MGAT4A: variants seen among roughly 807,000 people sequenced by gnomAD.
MGAT4A encodes alpha-1,3-mannosyl-glycoprotein 4-beta-N-acetylglucosaminyltransferase A.
A neutral mutation model predicts 74.1 loss-of-function variants in MGAT4A; 33 were observed. That is an observed-to-expected ratio of 0.45 (90% CI 0.34 to 0.60). The LOEUF (loss-of-function observed/expected upper bound fraction) is 0.60. Among genes scored for constraint, MGAT4A ranks in the 20% least tolerant of loss-of-function variants. The pLI is 0.02. For missense variants in MGAT4A, 479 were observed against 628.3 expected (o/e 0.76, Z 2.54); for synonymous variants, 198 against 210.4 (o/e 0.94, Z 0.51).
At chr2:98,715,731 C>T (rs1279301012) in intron 2 of MGAT4A, among the ~76,000 whole-genome samples, 1 of 151,970 alleles carries the variant, frequency 6.6e-6, no homozygotes, top group Non-Finnish European at 1.5e-5. Context: ...CAACAAACCC[C>T]GTAACACAAG....
Position 98,677,279 on chromosome 2 carries a change from G to A in MGAT4A, c.262+1025C>T, listed in dbSNP as rs923856605. Among the ~76,000 whole-genome samples the A allele has an allele frequency of 2.0e-5, 3 of 152,160 alleles. No individual in the cohort carries two copies. In the East Asian group the frequency reaches 5.8e-4, roughly 29 times the overall value. On this transcript the variant is annotated intron_variant, in intron 3 of 15. Coordinates refer to ENST00000393487, the MANE Select transcript of MGAT4A (RefSeq NM_012214.3). ...TAAATAAGGTTTAAGAGCACGAATT[G>A]CTTCAAATAGCTCAAAGATTTCTCC...
At chr2:98,678,249 A>ATATATATAT (rs1553538280) in intron 3 of MGAT4A, 55 bp downstream of exon 3, 166 of 263,784 alleles carry the variant, frequency 6.3e-4, no homozygotes, top group African/African-American at 1.9e-3. Flanking sequence ...AAAAAAAAAA[A>ATATATATAT]ATATATATAT....
intron 6 of MGAT4A, among the ~76,000 whole-genome samples, chr2:98,657,403 C>T (rs1030253428): frequency 6.6e-6 from 1 of 152,134 alleles, no homozygotes; most frequent in Non-Finnish European, 1.5e-5. Flanking sequence ...TCATTACTGC[C>T]CTGTTCCTTA....
At chr2:98,648,737 AG>A (rs141382211) in intron 8 of MGAT4A, among the ~76,000 whole-genome samples, 4,313 of 150,680 alleles carry the variant, frequency 0.029, 220 homozygotes, top group African/African-American at 0.1. Flanking sequence ...AAAAAAAAAA[AG>A]CTCACTGACA....
At chr2:98,650,888 C>CA (rs1701566655) in intron 8 of MGAT4A, among the ~76,000 whole-genome samples, 1 of 151,998 alleles carries the variant, frequency 6.6e-6, no homozygotes. Context: ...GTGGAGCTTA[C>CA]AGTGAGCCGA....
chr2:98,658,549 C>G (rs910130860), intron 5 of MGAT4A, among the ~76,000 whole-genome samples: 5 of 152,284 alleles, frequency 3.3e-5, no homozygotes, highest in Admixed American at 2.0e-4. Context: ...AACATCCAAA[C>G]TATTGTGAAT....
intron 2 of MGAT4A, among the ~76,000 whole-genome samples, chr2:98,692,611 T>C (rs1394570480): frequency 6.6e-6 from 1 of 152,214 alleles, no homozygotes; most frequent in African/African-American, 2.4e-5. Flanking sequence ...ACAGGTATAC[T>C]GTTTCGCCTT....
chr2:98,672,113 A>G (rs913711540), intron 4 of MGAT4A, among the ~76,000 whole-genome samples: 2 of 152,128 alleles, frequency 1.3e-5, no homozygotes, highest in African/African-American at 4.8e-5. Flanking sequence ...TACAACAGCA[A>G]TAGAACACCA....
intron 4 of MGAT4A, among the ~76,000 whole-genome samples, chr2:98,673,630 G>A (rs972646377): frequency 6.6e-6 from 1 of 152,136 alleles, no homozygotes; most frequent in Non-Finnish European, 1.5e-5. Flanking sequence ...ATAAAGTCAT[G>A]TAAACAAATG....
chr2:98,693,835 A>G (rs1281477018), intron 2 of MGAT4A, among the ~76,000 whole-genome samples: 1 of 152,200 alleles, frequency 6.6e-6, no homozygotes, highest in Non-Finnish European at 1.5e-5. Context: ...AAATATCTAT[A>G]CAAAGGAATA....
intron 2 of MGAT4A, among the ~76,000 whole-genome samples, chr2:98,689,073 G>A (rs957123369): frequency 6.6e-6 from 1 of 152,110 alleles, no homozygotes; most frequent in Non-Finnish European, 1.5e-5. Flanking sequence ...CCACCTGGAG[G>A]ATGGTACATA....
intron 2 of MGAT4A, among the ~76,000 whole-genome samples, chr2:98,709,114 A>T (rs773593942): frequency 2.0e-4 from 30 of 152,162 alleles, no homozygotes; most frequent in Non-Finnish European, 2.6e-4. Flanking sequence ...TAATTGCCTG[A>T]GTGTCTTCAT....
intron 4 of MGAT4A, among the ~76,000 whole-genome samples, chr2:98,674,330 A>C (rs1259212932): frequency 6.6e-6 from 1 of 152,210 alleles, no homozygotes; most frequent in East Asian, 1.9e-4. Flanking sequence ...TAAAATCTAC[A>C]AAGAAAAGAT....
At chr2:98,642,846 A>T (rs1284551203) in intron 10 of MGAT4A, among the ~76,000 whole-genome samples, 2 of 152,128 alleles carry the variant, frequency 1.3e-5, no homozygotes, top group Admixed American at 6.5e-5. Context: ...GGGGTTTTTT[A>T]AAATTTTTGT....
At chr2:98,689,559 C>G (rs986795981) in intron 2 of MGAT4A, among the ~76,000 whole-genome samples, 1 of 152,170 alleles carries the variant, frequency 6.6e-6, no homozygotes, top group Non-Finnish European at 1.5e-5. Flanking sequence ...CACCATGGCT[C>G]ACATCCATAA....
chr2:98,644,108 G>T (rs1701451595), intron 9 of MGAT4A, 55 bp from the exon 10 acceptor site: 5 of 1,461,764 alleles, frequency 3.4e-6, no homozygotes, highest in Non-Finnish European at 1.8e-6. Flanking sequence ...CACCAAAATG[G>T]CTTACATTCA....
intron 2 of MGAT4A, among the ~76,000 whole-genome samples, chr2:98,684,048 C>G (rs1702097655): frequency 6.6e-6 from 1 of 152,238 alleles, no homozygotes. Flanking sequence ...CATATTCCAT[C>G]TGGAAAGCCA....
At chr2:98,703,906 G>T (rs1162665946) in intron 2 of MGAT4A, among the ~76,000 whole-genome samples, 1 of 152,086 alleles carries the variant, frequency 6.6e-6, no homozygotes, top group Non-Finnish European at 1.5e-5. Context: ...GGCATTCTGT[G>T]ACCACTCGCA....
intron 3 of MGAT4A, among the ~76,000 whole-genome samples, chr2:98,676,486 G>A (rs554593202): frequency 6.6e-6 from 1 of 152,060 alleles, no homozygotes; most frequent in Non-Finnish European, 1.5e-5. Context: ...TGTATCATTT[G>A]TTCAAAAATG....
Sources: allele counts gnomAD v4.1 joint callset (sites outside exome capture counted in the v4.1 genomes callset), GRCh38; gene constraint gnomAD v4.1.1; transcripts MANE v1.5; gene names NCBI Gene and HGNC (gene_info 2026-07-23, HGNC 2026-07-21).